The following ABCG2 variants were observed in gnomAD, a reference collection of about 807,000 sequenced individuals.
ABCG2 encodes the protein ATP binding cassette subfamily G member 2 (JR blood group).
ABCG2 carries 80 observed loss-of-function variants against 73.5 expected under a neutral mutation model. The observed-to-expected ratio is 1.09, with a 90% confidence interval of 0.91 to 1.31. ABCG2 has a LOEUF of 1.31. ABCG2 is among the 50% of genes most tolerant of loss of function. The pLI is 0.00. For missense variants in ABCG2, 796 were observed against 786.2 expected (o/e 1.01, Z -0.15); for synonymous variants, 269 against 282.4 (o/e 0.95, Z 0.48).
At chr4:88,209,130 C>T (rs887571026) in intron 1 of ABCG2, among the ~76,000 whole-genome samples, 23 of 150,274 alleles carry the variant, frequency 1.5e-4, no homozygotes, top group African/African-American at 5.4e-4. Context: ...GCCAACATGG[C>T]GAAACCCTGT....
chr4:88,214,302 A>C (rs1312711966), intron 1 of ABCG2, among the ~76,000 whole-genome samples: 1 of 151,756 alleles, frequency 6.6e-6, no homozygotes, highest in Non-Finnish European at 1.5e-5. Context: ...CATCCTCAAA[A>C]ATATTCCTCT....
In ABCG2 at chr4:88,107,295, G is replaced by A. The variant is rs767717458; in HGVS notation, c.1195-29C>T. 2.7e-6 allele frequency: 4 copies of A among 1,504,290 alleles called. 1 individual carries two copies. Among genetic ancestry groups the A allele is most frequent in the South Asian group, 2.4e-5 (2 of 83,038 alleles). The allele number at this position is 1,504,290 out of a possible 1,614,324, so 93.2% of individuals were successfully genotyped here. On this transcript the variant is annotated intron_variant, in intron 9 of 15. Coordinates refer to ENST00000237612, the MANE Select transcript of ABCG2 (RefSeq NM_004827.3). ...TTCAAAAAGAAAAATGCAAAAAAAGGGGAAGAGTTTCAATTAGAGATAAAA... is the reference window on the plus strand; with the variant it reads ...TTCAAAAAGAAAAATGCAAAAAAAGAGGAAGAGTTTCAATTAGAGATAAAA...
intron 1 of ABCG2, among the ~76,000 whole-genome samples, chr4:88,195,347 T>C (rs796308032): frequency 6.6e-6 from 1 of 152,112 alleles, no homozygotes; most frequent in East Asian, 1.9e-4. Context: ...CTGTAACATA[T>C]CAGAATAAAG....
At chr4:88,111,980 G>C (rs767260726) in intron 9 of ABCG2, among the ~76,000 whole-genome samples, 1 of 151,936 alleles carries the variant, frequency 6.6e-6, no homozygotes, top group Non-Finnish European at 1.5e-5. Context: ...ACAGCTACTC[G>C]GGAGGCTGAA....
At chr4:88,118,638 C>T (rs1005430752) in intron 6 of ABCG2, among the ~76,000 whole-genome samples, 3 of 152,206 alleles carry the variant, frequency 2.0e-5, no homozygotes, top group East Asian at 3.8e-4. Flanking sequence ...CTATGGACTG[C>T]ATATTAAAAC....
intron 1 of ABCG2, among the ~76,000 whole-genome samples, chr4:88,170,538 G>C (rs1281385586): frequency 6.6e-6 from 1 of 152,226 alleles, no homozygotes; most frequent in Non-Finnish European, 1.5e-5. Context: ...TCACCAGATG[G>C]AACAATAATT....
At chr4:88,205,083 G>A (rs908573519) in intron 1 of ABCG2, among the ~76,000 whole-genome samples, 1 of 152,140 alleles carries the variant, frequency 6.6e-6, no homozygotes, top group Non-Finnish European at 1.5e-5. Context: ...CTTTGGCTAG[G>A]AGCTGTTCAC....
chr4:88,122,141 G>A (rs748088009), intron 5 of ABCG2, among the ~76,000 whole-genome samples: 5 of 152,030 alleles, frequency 3.3e-5, no homozygotes, highest in African/African-American at 4.8e-5. Flanking sequence ...CCCACATACT[G>A]TACTTTTCCC....
At chr4:88,167,513 C>T (rs528691178) in intron 1 of ABCG2, among the ~76,000 whole-genome samples, 24 of 151,802 alleles carry the variant, frequency 1.6e-4, no homozygotes, top group Non-Finnish European at 2.9e-4. Flanking sequence ...AGCTGGACTA[C>T]AGGCATGCGT....
At chr4:88,229,978 CATTATT>C (rs61485563) in intron 1 of ABCG2, among the ~76,000 whole-genome samples, 26 of 143,570 alleles carry the variant, frequency 1.8e-4, no homozygotes, top group South Asian at 1.6e-3. Flanking sequence ...TTCTGGCATG[CATTATT>C]ATTATTATTA....
intron 1 of ABCG2, among the ~76,000 whole-genome samples, chr4:88,178,425 T>C (rs1260405870): frequency 6.6e-6 from 1 of 152,120 alleles, no homozygotes; most frequent in African/African-American, 2.4e-5. Flanking sequence ...CAGGCAGTAC[T>C]TGTTGTAGGC....
intron 2 of ABCG2, 21 bp from the exon 3 acceptor site, chr4:88,132,656 T>C: frequency 1.2e-6 from 2 of 1,613,570 alleles, no homozygotes; most frequent in Non-Finnish European, 1.7e-6. Flanking sequence ...AAAAACAGAC[T>C]GATTTACTAT....
intron 2 of ABCG2, among the ~76,000 whole-genome samples, chr4:88,138,330 C>T (rs1298909750): frequency 6.6e-6 from 1 of 152,094 alleles, no homozygotes; most frequent in Non-Finnish European, 1.5e-5. Flanking sequence ...TGGAGACAAA[C>T]AAGCATAAGA....
At chr4:88,103,754 C>G (rs1160450716) in intron 10 of ABCG2, among the ~76,000 whole-genome samples, 1 of 152,190 alleles carries the variant, frequency 6.6e-6, no homozygotes, top group Admixed American at 6.5e-5. Context: ...TGGCAACCAC[C>G]ATTCTACTGT....
At chr4:88,226,717 T>C (rs1730229142) in intron 1 of ABCG2, 1 of 152,434 alleles carries the variant, frequency 6.6e-6, no homozygotes, top group South Asian at 2.1e-4. Flanking sequence ...TATTATTCAG[T>C]ACCCTGACAT....
chr4:88,132,317 TCCTC>T (rs1412287574), intron 3 of ABCG2, among the ~76,000 whole-genome samples: 1 of 152,122 alleles, frequency 6.6e-6, no homozygotes, highest in Non-Finnish European at 1.5e-5. Flanking sequence ...CCATTCTTTT[TCCTC>T]CCTATTAGCT....
chr4:88,101,995 A>G (rs1248416548), intron 10 of ABCG2, among the ~76,000 whole-genome samples: 2 of 152,252 alleles, frequency 1.3e-5, no homozygotes, highest in Admixed American at 6.5e-5. Flanking sequence ...AGATTAAGAA[A>G]TTCAATTAGC....
intron 1 of ABCG2, among the ~76,000 whole-genome samples, chr4:88,212,714 A>G (rs1280911808): frequency 1.3e-5 from 2 of 151,976 alleles, no homozygotes; most frequent in Non-Finnish European, 2.9e-5. Flanking sequence ...AAATTCCATG[A>G]TCATTATAAT....
Position 88,106,005 on chromosome 4 carries a change from A to G in ABCG2, c.1277+1179T>C, listed in dbSNP as rs111431207. ...CCTTGTGCACTGCTGGTAAGAATGT[A>G]AAATGGTACGGCCACTGTGGAAGAC... On this transcript the variant is annotated intron_variant, in intron 10 of 15. Transcript: ENST00000237612. 8.7e-3 allele frequency among the ~76,000 whole-genome samples: 1,318 copies of G among 152,346 alleles called. 10 individuals are homozygous for G. Among genetic ancestry groups the G allele is most frequent in the Middle Eastern group, 0.037 (11 of 294 alleles).
Sources: gnomAD v4.1 joint callset for allele counts (sites outside exome capture counted in the v4.1 genomes callset) on GRCh38, gnomAD v4.1.1 for gene constraint, MANE v1.5 for transcripts, NCBI Gene and HGNC (gene_info 2026-07-23, HGNC 2026-07-21) for gene names.